The following PDE1C variants were observed in gnomAD, a reference collection of about 807,000 sequenced individuals.
PDE1C encodes phosphodiesterase 1C.
Under a neutral mutation model 93.1 loss-of-function variants are expected in PDE1C, and 62 were observed. That is an observed-to-expected ratio of 0.67 (90% confidence interval 0.54 to 0.82). The LOEUF (loss-of-function observed/expected upper bound fraction) is 0.82. PDE1C is among the 40% of genes least tolerant of loss of function. PDE1C has a pLI of 0.00. For synonymous variants in PDE1C, 325 were observed against 310.1 expected (o/e 1.05, Z -0.50); for missense variants, 742 against 884.6 (o/e 0.84, Z 2.04).
intron 1 of PDE1C, among the ~76,000 whole-genome samples, chr7:32,213,704 GC>G (rs1319786394): frequency 6.6e-6 from 1 of 152,218 alleles, no homozygotes; most frequent in Admixed American, 6.5e-5. Context: ...TTTATCAGGT[GC>G]AATTAGAGCT....
the PDE1C span, among the ~76,000 whole-genome samples, chr7:31,744,664 G>A: frequency 6.6e-6 from 1 of 152,134 alleles, no homozygotes; most frequent in East Asian, 1.9e-4. Context: ...TGACACCATT[G>A]TATGTGGCTT....
At chr7:32,275,660 A>C (rs1811234312) in intron 1 of PDE1C, among the ~76,000 whole-genome samples, 1 of 139,474 alleles carries the variant, frequency 7.2e-6, no homozygotes, top group Non-Finnish European at 1.6e-5. Context: ...AAATAAAACC[A>C]AAAAAAAAAA....
intron 1 of PDE1C, among the ~76,000 whole-genome samples, chr7:32,310,237 C>T (rs1348121899): frequency 2.6e-5 from 4 of 151,672 alleles, no homozygotes; most frequent in Non-Finnish European, 5.9e-5. Flanking sequence ...ACAGGAGCAC[C>T]CAGATTCATA....
rs1379501374 is a variant in PDE1C at position 31,779,052 on chromosome 7, A to T, written c.1892-3320T>A. 5.9e-5 allele frequency among the ~76,000 whole-genome samples: 9 copies of T among 152,206 alleles called. 1 individual carries two copies. Among genetic ancestry groups the T allele is most frequent in the Admixed American group, 5.2e-4 (8 of 15,278 alleles). On this transcript the variant is annotated intron_variant, in intron 16 of 17. Transcript: ENST00000396191. ...TGGGACAATTATTTTAACAAAAATG[A>T]AAAACAAAGCCAGTTTCCCAGGCCT...
intron 1 of PDE1C, among the ~76,000 whole-genome samples, chr7:32,250,267 A>G (rs10241729): frequency 0.24 from 36,901 of 152,090 alleles, 4,846 homozygotes; most frequent in African/African-American, 0.33. Flanking sequence ...TGACACATAT[A>G]AGAATGACAG....
chr7:32,231,744 T>G (rs1333291439), intron 1 of PDE1C, among the ~76,000 whole-genome samples: 1 of 152,226 alleles, frequency 6.6e-6, no homozygotes, highest in Non-Finnish European at 1.5e-5. Flanking sequence ...GTTAGCAAGC[T>G]GAATGTAACA....
chr7:31,842,763 A>C (rs760890097), intron 9 of PDE1C, among the ~76,000 whole-genome samples: 21 of 151,326 alleles, frequency 1.4e-4, no homozygotes, highest in Admixed American at 2.6e-4. Flanking sequence ...TTTTCCTCTT[A>C]TCATTACTAA....
chr7:31,884,156 T>C (rs535145577), intron 2 of PDE1C, among the ~76,000 whole-genome samples: 3 of 152,264 alleles, frequency 2.0e-5, no homozygotes, highest in Non-Finnish European at 4.4e-5. Context: ...ACTCTGTTTA[T>C]GGAAGAACAC....
At chr7:32,209,661 T>A in intron 1 of PDE1C, 1 of 788,914 alleles carries the variant, frequency 1.3e-6, no homozygotes, top group Non-Finnish European at 2.0e-6. Context: ...TCTTTGTAAG[T>A]GAATAAAAGC....
chr7:32,065,295 CG>C (rs1795269423), intron 1 of PDE1C, among the ~76,000 whole-genome samples: 2 of 152,138 alleles, frequency 1.3e-5, no homozygotes, highest in Admixed American at 1.3e-4. Context: ...TTGGGCTGCC[CG>C]GAAGACTCCT....
At chr7:31,647,481 G>A in the PDE1C span, among the ~76,000 whole-genome samples, 1 of 145,910 alleles carries the variant, frequency 6.9e-6, no homozygotes, top group South Asian at 2.2e-4. Flanking sequence ...GGCCAACATG[G>A]CAAAACCCCG....
the PDE1C span, among the ~76,000 whole-genome samples, chr7:31,724,496 A>G: frequency 6.6e-6 from 1 of 152,186 alleles, no homozygotes; most frequent in African/African-American, 2.4e-5. Context: ...CTGACAGCCA[A>G]TCCAAAGCAT....
chr7:31,981,896 G>C (rs576939810), intron 2 of PDE1C, among the ~76,000 whole-genome samples: 2 of 152,294 alleles, frequency 1.3e-5, no homozygotes, highest in African/African-American at 2.4e-5. Flanking sequence ...AAGTTAAATA[G>C]AACATTCTCT....
the PDE1C span, among the ~76,000 whole-genome samples, chr7:31,742,898 A>G: frequency 6.6e-6 from 1 of 152,104 alleles, no homozygotes; most frequent in South Asian, 2.1e-4. Context: ...CCCTACTCCA[A>G]TGATCTCTCA....
chr7:32,339,014 A>G (rs1304901800), intron 1 of PDE1C, among the ~76,000 whole-genome samples: 2 of 111,036 alleles, frequency 1.8e-5, no homozygotes, highest in Admixed American at 8.5e-5. Context: ...AAAAAAGCAC[A>G]CACACACACA....
At chr7:32,394,007 A>G (rs1478947948) in intron 1 of PDE1C, among the ~76,000 whole-genome samples, 1 of 152,212 alleles carries the variant, frequency 6.6e-6, no homozygotes, top group East Asian at 1.9e-4. Flanking sequence ...GATAAAAGAA[A>G]AAATACAGGT....
chr7:32,364,360 G>A (rs959714112), intron 1 of PDE1C, among the ~76,000 whole-genome samples: 4 of 152,202 alleles, frequency 2.6e-5, no homozygotes, highest in African/African-American at 4.8e-5. Context: ...TGACAGGAGC[G>A]CCAGGAGGGA....
intron 1 of PDE1C, among the ~76,000 whole-genome samples, chr7:32,338,031 G>A (rs181213542): frequency 5.0e-4 from 76 of 152,200 alleles, no homozygotes; most frequent in Non-Finnish European, 9.3e-4. Flanking sequence ...GAAAACACAG[G>A]AGAAAAGCTT....
chr7:31,777,226 G>C (rs1783055980), intron 16 of PDE1C, among the ~76,000 whole-genome samples: 1 of 152,046 alleles, frequency 6.6e-6, no homozygotes, highest in Non-Finnish European at 1.5e-5. Context: ...AGAGACTTGG[G>C]GTTGGAGGTG....
Sources: gnomAD v4.1 joint callset for allele counts (sites outside exome capture counted in the v4.1 genomes callset) on GRCh38, gnomAD v4.1.1 for gene constraint, MANE v1.5 for transcripts, NCBI Gene and HGNC (gene_info 2026-07-23, HGNC 2026-07-21) for gene names.